The following GRIP2 variants were observed in gnomAD, a reference collection of about 807,000 sequenced individuals.
The protein encoded by GRIP2 is glutamate receptor-interacting protein 2.
GRIP2 carries 58 observed loss-of-function variants against 108.3 expected under a neutral mutation model. The observed-to-expected ratio is 0.54, with a 90% CI of 0.43 to 0.67. GRIP2 has a LOEUF of 0.67. Among genes scored for constraint, GRIP2 ranks in the 30% least tolerant of loss-of-function variants. GRIP2 has a pLI of 0.00. For synonymous variants in GRIP2, 586 were observed against 598.2 expected (o/e 0.98, Z 0.30); for missense variants, 1,278 against 1,430.6 (o/e 0.89, Z 1.72).
At chr3:14,545,081 G>A (rs147983654), upstream of GRIP2, among the ~76,000 whole-genome samples, 1,170 of 152,320 alleles carry the variant, frequency 7.7e-3, 15 homozygotes, top group African/African-American at 0.027. Flanking sequence ...AGGAGGCTCC[G>A]ACAGCCGCAA....
At chr3:14,576,547 A>G in the GRIP2 span, among the ~76,000 whole-genome samples, 5 of 152,210 alleles carry the variant, frequency 3.3e-5, no homozygotes, top group East Asian at 1.9e-4. Flanking sequence ...AGGGCCATGG[A>G]AGACTTTGAA....
Position 14,493,702 on chromosome 3 carries a change from G to C in GRIP2, c.3095C>G (p.Pro1032Arg), listed in dbSNP as rs1701387340. The C allele has an allele frequency of 1.9e-6, 3 of 1,608,860 alleles. No homozygotes were observed. In the African/African-American group the frequency reaches 4.0e-5, roughly 21 times the overall value. The change falls in exon 24 of 24, where the codon CCC becomes CGC. Residue 1032 changes from proline to arginine, a missense_variant. Pro to Arg is a moderately radical substitution (Grantham distance 103). Coordinates refer to ENST00000621039, the MANE Select transcript of GRIP2 (RefSeq NM_001080423.4). ...GGGACTGCTGGGGCCTGGCGATCGGGGGGCCCGGCTGCTGTGTGCCGTGTG... is the reference window on the plus strand; with the variant it reads ...GGGACTGCTGGGGCCTGGCGATCGGCGGGCCCGGCTGCTGTGTGCCGTGTG... ...KPHTAHSSRA[P>R]RSPGPSSPRM...
intron 20 of GRIP2, among the ~76,000 whole-genome samples, chr3:14,504,436 C>T (rs1204647590): frequency 6.6e-5 from 10 of 151,912 alleles, no homozygotes; most frequent in Admixed American, 6.5e-4. Context: ...CTCAGCCTCC[C>T]GAGAAGCTAG....
intron 1 of GRIP2, among the ~76,000 whole-genome samples, chr3:14,536,887 C>T (rs1694848222): frequency 1.3e-5 from 2 of 152,194 alleles, no homozygotes; most frequent in Admixed American, 1.3e-4. Flanking sequence ...GTCCCCGGTC[C>T]CCTGACTTCA....
At chr3:14,497,897 T>C (rs1407067008) in intron 21 of GRIP2, among the ~76,000 whole-genome samples, 1 of 152,058 alleles carries the variant, frequency 6.6e-6, no homozygotes, top group Admixed American at 6.6e-5. Flanking sequence ...GTCAGGAGTA[T>C]GTGGCCCTGA....
chr3:14,545,506 C>T (rs1030471026), upstream of GRIP2, among the ~76,000 whole-genome samples: 1 of 152,240 alleles, frequency 6.6e-6, no homozygotes, highest in African/African-American at 2.4e-5. Context: ...GGTCAAGTCA[C>T]CAGCAGGCCA....
chr3:14,564,034 G>A, the GRIP2 span, among the ~76,000 whole-genome samples: 1 of 152,210 alleles, frequency 6.6e-6, no homozygotes, highest in African/African-American at 2.4e-5. Context: ...AGAGGAAGCA[G>A]CCCCAAGGGA....
In GRIP2 at chr3:14,493,779, T is replaced by G; in HGVS notation, c.3018A>C (p.Pro1006=). 3 of 1,613,164 alleles carry G rather than the reference T, an allele frequency of 1.9e-6. No homozygotes were observed. The African/African-American group carries it at 4.0e-5, about 22-fold the overall frequency. ...TRDFDCCLAV[P]LLAEAGDVLE... ...AGACATCACCCGCCTCGGCCAGGAG[T>G]GGCACCGCCAGGCAGCAGTCGAAGT... Residue 1006 remains proline (P), a synonymous_variant, in exon 24 of 24, where the codon CCA becomes CCC. Transcript: ENST00000621039.
chr3:14,564,653 C>T, the GRIP2 span, among the ~76,000 whole-genome samples: 2 of 152,222 alleles, frequency 1.3e-5, no homozygotes, highest in African/African-American at 4.8e-5. Context: ...CCAGGCATTT[C>T]TCTTGCTGAG....
the GRIP2 span, among the ~76,000 whole-genome samples, chr3:14,600,203 G>A: frequency 8.5e-5 from 13 of 152,178 alleles, no homozygotes; most frequent in Admixed American, 2.0e-4. Context: ...TCTGACCAAC[G>A]AGCCCAACAA....
chr3:14,514,250 C>CAGTT (rs138623401), intron 12 of GRIP2, 42 bp downstream of exon 12: 841,430 of 1,494,868 alleles, frequency 0.56, 240,888 homozygotes, highest in East Asian at 0.8. Flanking sequence ...CAGTTTCTCT[C>CAGTT]AGAGAGTGGC....
At chr3:14,539,012 A>G (rs1694899118) in intron 1 of GRIP2, among the ~76,000 whole-genome samples, 12 of 152,206 alleles carry the variant, frequency 7.9e-5, no homozygotes, top group Admixed American at 7.8e-4. Flanking sequence ...CTTGGGTTGA[A>G]AGAACAGATG....
upstream of GRIP2, among the ~76,000 whole-genome samples, chr3:14,540,699 C>G (rs1694950763): frequency 6.7e-6 from 1 of 149,114 alleles, no homozygotes; most frequent in South Asian, 2.1e-4. This position sits in a 1 kb window ranked among gnomAD's most constrained non-coding sequence, Gnocchi z 4.1. Context: ...GCTTTCCAAA[C>G]TTTTTTTTTT....
intron 22 of GRIP2, 32 bp from the exon 23 acceptor site, chr3:14,495,021 A>C (rs749690732): frequency 2.5e-6 from 4 of 1,609,170 alleles, no homozygotes; most frequent in Admixed American, 3.3e-5. Context: ...GGTTCCTGGA[A>C]CTCTGACCTT....
At position 14,507,496 on chromosome 3, in the gene GRIP2, T is replaced by G; in HGVS notation, c.2218+65A>C. Reference sequence around the variant, plus strand: ...TCTGTGAGGGTGTGCAGGCAAAGCCTGGCACAGAGGGATTGCCCTTCCTAA... The same window carrying G: ...TCTGTGAGGGTGTGCAGGCAAAGCCGGGCACAGAGGGATTGCCCTTCCTAA... On this transcript the variant is annotated intron_variant, in intron 18 of 23. Transcript: ENST00000621039. This position sits in a 1 kb window ranked among gnomAD's most constrained non-coding sequence, Gnocchi z 4.6. 1.3e-6 allele frequency: 2 copies of G among 1,579,008 alleles called. No individual in the cohort carries two copies. The highest frequency in any genetic ancestry group is 1.1e-5 in the South Asian group (1 of 89,272).
chr3:14,545,550 G>T (rs73817924), upstream of GRIP2, among the ~76,000 whole-genome samples: 888 of 152,332 alleles, frequency 5.8e-3, 9 homozygotes, highest in African/African-American at 0.02. Context: ...GCTCCCAGGG[G>T]CTCCCTCTTG....
At chr3:14,573,614 A>T in the GRIP2 span, 1 of 1,493,604 alleles carries the variant, frequency 6.7e-7, no homozygotes, top group Non-Finnish European at 9.3e-7. Context: ...CGTTGGTGCC[A>T]ATGCAGCAGG....
chr3:14,492,213 G>C lies in GRIP2; in HGVS notation c.*1452C>G, dbSNP rs1701352500. On this transcript the variant is annotated 3_prime_UTR_variant, in exon 24 of 24. Coordinates refer to ENST00000621039, the MANE Select transcript of GRIP2 (RefSeq NM_001080423.4). ...ACAGGTAACAGACCCAGGGTGAAAAGAACAGACCTCTTGACTCCTCATCTG... is the reference window on the plus strand; with the variant it reads ...ACAGGTAACAGACCCAGGGTGAAAACAACAGACCTCTTGACTCCTCATCTG... 1 of 152,384 alleles carries C rather than the reference G, an allele frequency of 6.6e-6. No individual in the cohort carries two copies. Among genetic ancestry groups the C allele is most frequent in the Non-Finnish European group, 1.5e-5 (1 of 68,156 alleles). The allele number at this position is 152,384 out of a possible 1,614,324, so 9.4% of individuals were successfully genotyped here.
In GRIP2 at chr3:14,493,480, G is replaced by A; in HGVS notation, c.*185C>T. On this transcript the variant is annotated 3_prime_UTR_variant, in exon 24 of 24. Transcript: ENST00000621039. Reference sequence around the variant, plus strand: ...CCAGCTGTCACTCCAACTAGGGCAGGACCTCCCTGCCTGGCACCCCAGTCA... The same window carrying A: ...CCAGCTGTCACTCCAACTAGGGCAGAACCTCCCTGCCTGGCACCCCAGTCA... 1.4e-6 allele frequency: 1 copy of A among 704,056 alleles called. No individual in the cohort carries two copies. Among genetic ancestry groups the A allele is most frequent in the South Asian group, 2.1e-5 (1 of 46,944 alleles). The allele number at this position is 704,056 out of a possible 1,614,324, so 43.6% of individuals were successfully genotyped here. A position where few individuals can be genotyped will look rare whatever the true frequency, so the allele number is the denominator to read the frequency against.
Sources: gnomAD v4.1 joint callset for allele counts (sites outside exome capture counted in the v4.1 genomes callset) on GRCh38, gnomAD v4.1.1 for gene constraint, Gnocchi (gnomAD v3.1) non-coding constraint, MANE v1.5 for transcripts, NCBI Gene and HGNC (gene_info 2026-07-23, HGNC 2026-07-21) for gene names.